SPTLC2: variants seen among roughly 807,000 people sequenced by gnomAD.
SPTLC2 encodes serine palmitoyltransferase long chain base subunit 2, also known as serine palmitoyltransferase 2.
SPTLC2 carries 21 observed loss-of-function variants against 62.0 expected under a neutral mutation model. The ratio of observed to expected loss-of-function variants is 0.34; its 90% CI spans 0.24 to 0.49. The LOEUF (loss-of-function observed/expected upper bound fraction) is 0.49. Ranked by LOEUF, SPTLC2 falls within the 20% of genes least tolerant of loss-of-function variation. SPTLC2 has a pLI of 0.99. For synonymous variants in SPTLC2, 261 were observed against 261.8 expected, an observed-to-expected ratio of 1.00 and a Z score of 0.03; for missense variants, 511 against 713.0, an observed-to-expected ratio of 0.72 and a Z score of 3.23.
chr14:77,616,590 G>A lies in SPTLC2; in HGVS notation c.-11C>T, dbSNP rs1314406489. On this transcript the variant is annotated 5_prime_UTR_variant, in exon 1 of 12. Transcript: ENST00000216484. ...GGGCTCCGGCCGCATCTTCCTGGCAGCACCAGGCGCAAGGCAGGCTCTGTA... is the reference window on the plus strand; with the variant it reads ...GGGCTCCGGCCGCATCTTCCTGGCAACACCAGGCGCAAGGCAGGCTCTGTA... 1 of 1,537,982 alleles carries A rather than the reference G, an allele frequency of 6.5e-7. No individual in the cohort carries two copies. The highest frequency in any genetic ancestry group is 8.7e-7 in the Non-Finnish European group (1 of 1,147,996).
At position 77,582,772 on chromosome 14, in the gene SPTLC2, G is replaced by T. The variant is rs572138542; in HGVS notation, c.328-3663C>A. Among the ~76,000 whole-genome samples, 3 of 152,324 alleles carry T rather than the reference G, an allele frequency of 2.0e-5. No homozygotes were observed. In the South Asian group the frequency reaches 6.2e-4, roughly 32 times the overall value. On this transcript the variant is annotated intron_variant, in intron 2 of 11. Coordinates refer to ENST00000216484, the MANE Select transcript of SPTLC2 (RefSeq NM_004863.4). ...AGGAGGAGAAGCTGTCACAACCAGG[G>T]ATGTTAGGGACCAAAAGCGGGTGGC...
rs925171000 is a variant in SPTLC2 at position 77,511,700 on chromosome 14, A to T, written c.*584T>A. 1 of 164,370 alleles carries T rather than the reference A, an allele frequency of 6.1e-6. No individual in the cohort carries two copies. Among genetic ancestry groups the T allele is most frequent in the African/African-American group, 2.4e-5 (1 of 41,566 alleles). 10.2% of individuals were successfully genotyped at this position (164,370 alleles called of 1,614,324 possible). Reference sequence around the variant, plus strand: ...CAAACCCTTGGGAGATTACACAATGAGCCTTTCAGCAGTCATCGCTTACTG... The same window carrying T: ...CAAACCCTTGGGAGATTACACAATGTGCCTTTCAGCAGTCATCGCTTACTG... On this transcript the variant is annotated 3_prime_UTR_variant, in exon 12 of 12. Coordinates refer to ENST00000216484, the MANE Select transcript of SPTLC2 (RefSeq NM_004863.4).
intron 4 of SPTLC2, among the ~76,000 whole-genome samples, chr14:77,572,841 T>C (rs940333578): frequency 5.3e-5 from 8 of 152,206 alleles, no homozygotes; most frequent in African/African-American, 1.9e-4. Context: ...GCAGCTTCCT[T>C]ACCTCTTTCA....
At chr14:77,559,385 T>C (rs2142186) in intron 6 of SPTLC2, among the ~76,000 whole-genome samples, 146,342 of 152,280 alleles carry the variant, frequency 0.96, 70,587 homozygotes, top group Middle Eastern at 1. Flanking sequence ...AAAAATTCAA[T>C]CTCTCCAATG....
intron 4 of SPTLC2, among the ~76,000 whole-genome samples, chr14:77,573,135 C>A (rs1321193582): frequency 6.6e-6 from 1 of 152,038 alleles, no homozygotes; most frequent in African/African-American, 2.4e-5. Flanking sequence ...TAAATTTAAT[C>A]TCATGGAGGT....
At chr14:77,532,661 G>A (rs1327181412) in intron 9 of SPTLC2, among the ~76,000 whole-genome samples, 1 of 152,100 alleles carries the variant, frequency 6.6e-6, no homozygotes, top group African/African-American at 2.4e-5. Context: ...GCAGGCGCCT[G>A]TAGTCCCAGC....
At chr14:77,596,561 G>A (rs560744705) in intron 2 of SPTLC2, among the ~76,000 whole-genome samples, 1 of 152,180 alleles carries the variant, frequency 6.6e-6, no homozygotes, top group African/African-American at 2.4e-5. Context: ...AAAGGAACAT[G>A]CAGAGAAAAG....
chr14:77,561,695 C>A (rs1475057890), intron 6 of SPTLC2, among the ~76,000 whole-genome samples: 2 of 151,476 alleles, frequency 1.3e-5, no homozygotes, highest in Admixed American at 6.6e-5. Flanking sequence ...TTAGACAAGA[C>A]AAAAACAAAA....
chr14:77,616,530 T>C lies in SPTLC2; in HGVS notation c.50A>G (p.Asn17Ser). 4 of 1,534,922 alleles carry C rather than the reference T, an allele frequency of 2.6e-6. No homozygotes were observed. The East Asian group carries it at 9.8e-5, about 38-fold the overall frequency. Residue 17 changes from asparagine to serine, a missense_variant, in exon 1 of 12, where the codon AAT becomes AGT. Transcript: ENST00000216484. Reference sequence around the variant, plus strand: ...TACTTCCCCGTTCGCCACGCAGCCATTCGCCCGCACCGTGCGGCGGCAGCA... The same window carrying C: ...TACTTCCCCGTTCGCCACGCAGCCACTCGCCCGCACCGTGCGGCGGCAGCA... Reference protein sequence around the residue: ...GCCCRRTVRANGCVANGEVRN... With the variant: ...GCCCRRTVRASGCVANGEVRN...
chr14:77,576,423 T>A (rs1022306992), intron 4 of SPTLC2, among the ~76,000 whole-genome samples: 14 of 152,194 alleles, frequency 9.2e-5, no homozygotes, highest in Non-Finnish European at 1.2e-4. Flanking sequence ...GAAAGCAGAT[T>A]AACTCTCATA....
chr14:77,537,390 G>GT (rs1566773044), intron 9 of SPTLC2, among the ~76,000 whole-genome samples: 2 of 151,768 alleles, frequency 1.3e-5, no homozygotes, highest in African/African-American at 4.8e-5. Context: ...TCCTGTTACT[G>GT]TACTTATGCC....
At chr14:77,615,360 C>T (rs1168559463) in intron 1 of SPTLC2, among the ~76,000 whole-genome samples, 1 of 152,202 alleles carries the variant, frequency 6.6e-6, no homozygotes, top group African/African-American at 2.4e-5. Context: ...CAGTAACAGA[C>T]CTATCCATCA....
chr14:77,610,047 A>G (rs2079926841), intron 1 of SPTLC2, among the ~76,000 whole-genome samples: 1 of 152,232 alleles, frequency 6.6e-6, no homozygotes, highest in South Asian at 2.1e-4. Flanking sequence ...GCAATGTATC[A>G]GGATTCTAAT....
At chr14:77,591,219 A>T (rs2079814603) in intron 2 of SPTLC2, among the ~76,000 whole-genome samples, 1 of 152,208 alleles carries the variant, frequency 6.6e-6, no homozygotes, top group African/African-American at 2.4e-5. Context: ...ACACAGAAGA[A>T]CATACACTGT....
In SPTLC2 at chr14:77,508,102, C is replaced by T. The variant is rs1425940329; in HGVS notation, c.*4182G>A. The T allele has an allele frequency of 6.6e-6, 1 of 152,244 alleles. No homozygotes were observed. Among genetic ancestry groups the T allele is most frequent in the Admixed American group, 6.5e-5 (1 of 15,270 alleles). The allele number at this position is 152,244 out of a possible 1,614,324, so 9.4% of individuals were successfully genotyped here. ...GGAGTGCAGGGGTGCAATCATGGCT[C>T]ACTGCAGCCTTGACCTCCCAGGCTC... is the stretch of plus-strand genomic sequence containing the variant. On this transcript the variant is annotated 3_prime_UTR_variant, in exon 12 of 12. Transcript: ENST00000216484.
At chr14:77,579,242 G>T in intron 2 of SPTLC2, 133 bp from the exon 3 acceptor site, 3 of 866,830 alleles carry the variant, frequency 3.5e-6, no homozygotes, top group Non-Finnish European at 3.7e-6. Context: ...GCAAGATTGT[G>T]TAATGGACAA....
At chr14:77,525,546 G>A (rs945099494) in intron 9 of SPTLC2, among the ~76,000 whole-genome samples, 5 of 150,596 alleles carry the variant, frequency 3.3e-5, no homozygotes, top group African/African-American at 9.8e-5. Context: ...GCGAGACTGC[G>A]CCATTGCACT....
Position 77,508,694 on chromosome 14 carries a change from G to C in SPTLC2, c.*3590C>G, listed in dbSNP as rs1321977920. 6.6e-6 allele frequency: 1 copy of C among 152,074 alleles called. No individual in the cohort carries two copies. The allele number at this position is 152,074 out of a possible 1,614,324, so 9.4% of individuals were successfully genotyped here. ...TATAACACACTAGAAAATTCAGCTA[G>C]GCTGAACTAGTTGAGAAATTTAGAT... is the stretch of plus-strand genomic sequence containing the variant. On this transcript the variant is annotated 3_prime_UTR_variant, in exon 12 of 12. Coordinates refer to ENST00000216484, the MANE Select transcript of SPTLC2 (RefSeq NM_004863.4).
chr14:77,528,846 G>GT (rs2079422055), intron 9 of SPTLC2, among the ~76,000 whole-genome samples: 1 of 151,828 alleles, frequency 6.6e-6, no homozygotes, highest in South Asian at 2.1e-4. Flanking sequence ...TTTTTTGTTT[G>GT]TTTTTTGAGA....
Sources: allele counts gnomAD v4.1 joint callset (sites outside exome capture counted in the v4.1 genomes callset), GRCh38; gene constraint gnomAD v4.1.1; transcripts MANE v1.5; gene names NCBI Gene and HGNC (gene_info 2026-07-23, HGNC 2026-07-21).